Variants in BAIAP3 observed in about 807,000 individuals in gnomAD.
BAIAP3 encodes BAI1 associated protein 3.
A neutral mutation model predicts 149.7 loss-of-function variants in BAIAP3; 180 were observed. The observed-to-expected ratio is 1.20, with a 90% CI of 1.07 to 1.36. The LOEUF (loss-of-function observed/expected upper bound fraction) is 1.36, where lower values mean the gene tolerates loss of function less well. Among genes scored for constraint, BAIAP3 ranks in the 40% most tolerant of loss-of-function variants. The pLI is 0.00. For synonymous variants in BAIAP3, 845 were observed against 670.7 expected (o/e 1.26, Z -4.02); for missense variants, 1,767 against 1,563.4 (o/e 1.13, Z -2.20).
chr16:1,343,647 G>C, intron 15 of BAIAP3, 134 bp downstream of exon 15: 1 of 1,363,150 alleles, frequency 7.3e-7, no homozygotes, highest in Non-Finnish European at 9.9e-7. Flanking sequence ...ACTGTATGAC[G>C]TGGGCGAGAG....
Position 1,345,257 on chromosome 16 carries a change from G to A in BAIAP3, c.1949G>A (p.Arg650His), listed in dbSNP as rs749165160. 46 of 1,612,820 alleles carry A rather than the reference G, an allele frequency of 2.9e-5. No homozygotes were observed. Among genetic ancestry groups the A allele is most frequent in the Non-Finnish European group, 3.6e-5 (42 of 1,179,862 alleles). The change falls in exon 22 of 34, where the codon CGC becomes CAC. Residue 650 changes from arginine to histidine, a missense_variant. Arg to His is a conservative substitution (Grantham distance 29, BLOSUM62 0). Transcript: ENST00000426824. ...CAACCCTCCCACCACAGGGACAGCCGCTCTCTGGCCCTGGCTGGCATCCAC... is the reference window on the plus strand; with the variant it reads ...CAACCCTCCCACCACAGGGACAGCCACTCTCTGGCCCTGGCTGGCATCCAC... ...FWDSIPGRDS[R>H]SLALAGIHAP...
Position 1,347,706 on chromosome 16 carries a change from C to G in BAIAP3, c.2910C>G (p.Thr970=). ...GCTCACCCGCCTTTCCGCAGAGGAC[C>G]CTGGAGCAGAACCGGTTTGGACGCC... ...QFYLDKLKQR[T]LEQNRFGRLS... The change falls in exon 31 of 34, where the codon ACC becomes ACG. Residue 970 remains threonine, a synonymous_variant. Coordinates refer to ENST00000426824, the MANE Select transcript of BAIAP3 (RefSeq NM_001199097.2). 5.6e-6 allele frequency: 9 copies of G among 1,611,056 alleles called. No homozygotes were observed. Among genetic ancestry groups the G allele is most frequent in the Non-Finnish European group, 7.6e-6 (9 of 1,178,594 alleles).
rs764714237 is a variant in BAIAP3 at position 1,340,890 on chromosome 16, C to G, written c.409-32C>G. On this transcript the variant is annotated intron_variant, in intron 5 of 33. Transcript: ENST00000426824. ...TGGCCAGCCTCGCTTCAGGGGTTGC[C>G]TAGGCCCTGCCAACCCAGCCACCCT... The G allele has an allele frequency of 1.9e-6, 3 of 1,554,096 alleles. No homozygotes were observed. The South Asian group carries it at 3.6e-5, about 18-fold the overall frequency.
rs2034208738 is a variant in BAIAP3, at chr16:1,344,938, G to A, written c.1810-31G>A. The A allele has an allele frequency of 5.0e-6, 8 of 1,613,470 alleles. No homozygotes were observed. The East Asian group carries it at 1.3e-4, about 27-fold the overall frequency. On this transcript the variant is annotated intron_variant, in intron 20 of 33. Coordinates refer to ENST00000426824, the MANE Select transcript of BAIAP3 (RefSeq NM_001199097.2). ...TAGGACGGTCCTGGGATTCCTTGCTGCTGGAGGCCTGATCCTGCTGTCCCG... is the reference window on the plus strand; with the variant it reads ...TAGGACGGTCCTGGGATTCCTTGCTACTGGAGGCCTGATCCTGCTGTCCCG...
intron 15 of BAIAP3, 77 bp from the exon 16 acceptor site, chr16:1,343,945 G>C (rs1482262554): frequency 1.9e-6 from 3 of 1,584,368 alleles, no homozygotes; most frequent in Non-Finnish European, 2.6e-6. Flanking sequence ...GGGTGTTGCG[G>C]GCCAAGGCAG....
At chr16:1,345,961 C>T (rs766962736) in intron 23 of BAIAP3, 25 bp from the exon 24 acceptor site, 25 of 1,591,402 alleles carry the variant, frequency 1.6e-5, no homozygotes, top group African/African-American at 1.3e-5. Flanking sequence ...GGCTCCATGG[C>T]TCCCCACCGC....
chr16:1,336,964 C>T (rs548289736), intron 1 of BAIAP3, among the ~76,000 whole-genome samples: 11 of 152,126 alleles, frequency 7.2e-5, no homozygotes, highest in Non-Finnish European at 1.0e-4. Context: ...AATCAGAGGC[C>T]GGCAAGGCTG....
intron 29 of BAIAP3, 21 bp downstream of exon 29, chr16:1,347,390 G>A: frequency 2.5e-6 from 4 of 1,612,056 alleles, no homozygotes; most frequent in Non-Finnish European, 3.4e-6. Flanking sequence ...ACCCTCTGTG[G>A]GGCGGGGGTG....
At chr16:1,347,470 G>C in intron 29 of BAIAP3, 75 bp from the exon 30 acceptor site, 1 of 1,577,036 alleles carries the variant, frequency 6.3e-7, no homozygotes, top group South Asian at 1.1e-5. Context: ...GTGGCCCCAC[G>C]GGCAGTCAGG....
chr16:1,336,344 C>T (rs2033455511), intron 1 of BAIAP3: 2 of 985,282 alleles, frequency 2.0e-6, no homozygotes, highest in Admixed American at 6.2e-5. Context: ...CTACCAAGCC[C>T]CCCCATCTTT....
Position 1,347,710 on chromosome 16 carries a change from G to A in BAIAP3, c.2914G>A (p.Glu972Lys). 6.2e-7 allele frequency: 1 copy of A among 1,610,898 alleles called. No individual in the cohort carries two copies. Among genetic ancestry groups the A allele is most frequent in the Non-Finnish European group, 8.5e-7 (1 of 1,178,452 alleles). Reference sequence around the variant, plus strand: ...ACCCGCCTTTCCGCAGAGGACCCTGGAGCAGAACCGGTTTGGACGCCTGAG... The same window carrying A: ...ACCCGCCTTTCCGCAGAGGACCCTGAAGCAGAACCGGTTTGGACGCCTGAG... ...YLDKLKQRTL[E>K]QNRFGRLSVR... The change falls in exon 31 of 34, where the codon GAG (glutamate) becomes AAG (lysine). Residue 972 changes from glutamate (E) to lysine (K), a missense_variant. Coordinates refer to ENST00000426824, the MANE Select transcript of BAIAP3 (RefSeq NM_001199097.2).
chr16:1,340,224 A>ACG (rs1271015626), intron 5 of BAIAP3, among the ~76,000 whole-genome samples: 262 of 77,422 alleles, frequency 3.4e-3, no homozygotes, highest in African/African-American at 8.5e-3. Context: ...ACACAGACAC[A>ACG]CACACAGGTT....
rs143716320 is a variant in BAIAP3 at position 1,344,843 on chromosome 16, G to A, written c.1803G>A (p.Glu601=). 202 of 1,613,668 alleles carry A rather than the reference G, an allele frequency of 1.3e-4. No individual in the cohort carries two copies. Among genetic ancestry groups the A allele is most frequent in the Non-Finnish European group, 1.6e-4 (194 of 1,180,038 alleles). ...DVFTLTFRQL[E]RLVAEEAWVL... is the part of the protein sequence containing the mutation. ...TCACCCTGACCTTCCGGCAGCTGGA[G>A]CGTCTGGTGAGGAGGGTCCCTGACC... Residue 601 remains glutamate, a synonymous_variant, in exon 20 of 34, where the codon GAG becomes GAA. Transcript: ENST00000426824.
chr16:1,347,799 C>T lies in BAIAP3; in HGVS notation c.3003C>T (p.Asp1001=). The T allele has an allele frequency of 6.2e-7, 1 of 1,606,466 alleles. No homozygotes were observed. Among genetic ancestry groups the T allele is most frequent in the Non-Finnish European group, 8.5e-7 (1 of 1,175,400 alleles). The change falls in exon 31 of 34, where the codon GAC becomes GAT. Residue 1001 remains aspartate (D), a synonymous_variant. Transcript: ENST00000426824. ...RLAVEVLHAA[D]LLPLDANGLS... ...CCGTGGAGGTGCTGCACGCCGCGGACCTGCTCCCCCTGGACGCCAACGGTG... is the reference window on the plus strand; with the variant it reads ...CCGTGGAGGTGCTGCACGCCGCGGATCTGCTCCCCCTGGACGCCAACGGTG...
chr16:1,341,933 C>T, intron 9 of BAIAP3, 53 bp from the exon 10 acceptor site: 1 of 1,587,660 alleles, frequency 6.3e-7, no homozygotes, highest in Non-Finnish European at 8.6e-7. Flanking sequence ...AGGACGGACT[C>T]AGGGCCCGGC....
chr16:1,339,465 G>T (rs117780030), intron 4 of BAIAP3, 31 bp from the exon 5 acceptor site: 1 of 1,587,328 alleles, frequency 6.3e-7, no homozygotes, highest in Admixed American at 1.7e-5. Context: ...CCTGGGACGC[G>T]GCACTGTGGC....
At chr16:1,335,844 G>T (rs925234547) in intron 1 of BAIAP3, among the ~76,000 whole-genome samples, 1 of 152,152 alleles carries the variant, frequency 6.6e-6, no homozygotes, top group African/African-American at 2.4e-5. Flanking sequence ...GGACACCAAA[G>T]AGACCTTGAC....
In BAIAP3 at chr16:1,341,823, G is replaced by C; in HGVS notation, c.733G>C (p.Glu245Gln). The C allele has an allele frequency of 6.2e-7, 1 of 1,612,394 alleles. No individual in the cohort carries two copies. Among genetic ancestry groups the C allele is most frequent in the Non-Finnish European group, 8.5e-7 (1 of 1,179,778 alleles). ...NPVWKEHFLF[E>Q]IEDVSTDQLH... ...TGGGCATCTCTGTTCTCCTTGTAGC[G>C]AGATTGAGGATGTGAGCACGGACCA... The change falls in exon 9 of 34, where the codon GAG (glutamate) becomes CAG (glutamine). Residue 245 changes from glutamate to glutamine, a missense_variant and splice_region_variant. By Grantham distance (29) the Glu-to-Gln change is conservative (BLOSUM62 2). Coordinates refer to ENST00000426824, the MANE Select transcript of BAIAP3 (RefSeq NM_001199097.2).
intron 5 of BAIAP3, 63 bp downstream of exon 5, chr16:1,339,666 CCACT>C (rs2033722527): frequency 7.9e-7 from 1 of 1,261,604 alleles, no homozygotes; most frequent in Non-Finnish European, 1.1e-6. Flanking sequence ...CCTTCCCCAC[CCACT>C]GACACCATCA....
Sources: gnomAD v4.1 joint callset for allele counts (sites outside exome capture counted in the v4.1 genomes callset) on GRCh38, gnomAD v4.1.1 for gene constraint, MANE v1.5 for transcripts, NCBI Gene and HGNC (gene_info 2026-07-23, HGNC 2026-07-21) for gene names.